PAGE1: variants seen among roughly 807,000 people sequenced by gnomAD.
The protein encoded by PAGE1 is P antigen family member 1.
PAGE1 carries 6 observed loss-of-function variants against 11.5 expected under a neutral mutation model. The ratio of observed to expected loss-of-function variants is 0.52; its 90% CI spans 0.29 to 1.03. The LOEUF (loss-of-function observed/expected upper bound fraction) is 1.03, where lower values mean the gene tolerates loss of function less well. Ranked by LOEUF, PAGE1 falls within the 50% of genes least tolerant of loss-of-function variation. PAGE1 has a pLI of 0.09. For synonymous variants in PAGE1, 42 were observed against 40.2 expected, an observed-to-expected ratio of 1.05 and a Z score of -0.17; for missense variants, 120 against 110.2, an observed-to-expected ratio of 1.09 and a Z score of -0.40.
chrX:49,689,152 G>A (rs1410083530), intron 5 of PAGE1, among the ~76,000 whole-genome samples: 2 of 109,612 alleles, frequency 1.8e-5, no homozygotes, highest in African/African-American at 6.6e-5. Flanking sequence ...ACCAGCTTAT[G>A]CAAAATGGCA....
At position 49,689,494 on chromosome X, in the gene PAGE1, C is replaced by T. The variant is rs148881853; in HGVS notation, c.342G>A (p.Gly114=). ...CATCAGGACCATCTCCGCGCTCACA[C>T]CCAGTCTTCGGGTGAACCTGTTCCT... ...DSQEQVHPKT[G]CERGDGPDVQ... The change falls in exon 5 of 6, where the codon GGG becomes GGA. Residue 114 remains glycine, a synonymous_variant. Coordinates refer to ENST00000376150, the MANE Select transcript of PAGE1 (RefSeq NM_003785.4). The T allele has an allele frequency of 4.0e-6, 4 of 1,008,011 alleles. No homozygotes were observed. The highest frequency in any genetic ancestry group is 5.1e-6 in the Non-Finnish European group (4 of 787,250). The allele number at this position is 1,008,011 out of a possible 1,213,427, so 83.1% of individuals were successfully genotyped here.
intron 3 of PAGE1, among the ~76,000 whole-genome samples, chrX:49,691,610 G>T (rs888932030): frequency 1.8e-5 from 2 of 111,143 alleles, no homozygotes; most frequent in Admixed American, 1.9e-4. Flanking sequence ...CAACTTTGTT[G>T]CCTCCTTTGC....
rs1557141806 is a variant in PAGE1 at position 49,689,818 on chromosome X, ACATATATGTG to A, written c.293-285_293-276del. The stretch of plus-strand genomic sequence containing the variant: ...TATGTATATATATGTGTATATACAC[ACATATATGTG>A]TATATATGTGTGTATATACACACAT... On this transcript the variant is annotated intron_variant, in intron 4 of 5. Coordinates refer to ENST00000376150, the MANE Select transcript of PAGE1 (RefSeq NM_003785.4). Among the ~76,000 whole-genome samples the A allele has an allele frequency of 1.3e-4, 8 of 61,662 alleles. 1 individual carries two copies. The highest frequency in any genetic ancestry group is 1.6e-4 in the Non-Finnish European group (6 of 37,478). The allele number at this position is 61,662 out of a possible 115,157, so 53.5% of individuals were successfully genotyped here.
chrX:49,689,326 G>A, intron 5 of PAGE1, 92 bp downstream of exon 5: 5 of 850,180 alleles, frequency 5.9e-6, no homozygotes, highest in Non-Finnish European at 7.5e-6. Flanking sequence ...GGTTGACAGA[G>A]CGAGACTCTG....
At chrX:49,689,731 TAC>T (rs1208260889) in intron 4 of PAGE1, among the ~76,000 whole-genome samples, 188 bp from the exon 5 acceptor site, 16 of 62,644 alleles carry the variant, frequency 2.6e-4, no homozygotes, top group African/African-American at 1.0e-3. Context: ...TATGTATATA[TAC>T]ACACATATAT....
At chrX:49,690,059 GTATATACACACA>G (rs1201047676) in intron 4 of PAGE1, among the ~76,000 whole-genome samples, 8 of 63,927 alleles carry the variant, frequency 1.3e-4, no homozygotes, top group African/African-American at 3.2e-4. Context: ...GTATATATGT[GTATATACACACA>G]TATATATGTG....
rs1299367955 is a variant in PAGE1, at chrX:49,694,727, A to C, written c.44T>G (p.Ile15Ser). ...RRLIYRRRPM[I>S]YVESSEESSD... is the part of the protein sequence containing the mutation. ...AATTACCTCAGAAGATTCTACATAG[A>C]TCATTGGTCTACGCCGATAGATTAA... The change falls in exon 2 of 6, where the codon ATC (isoleucine) becomes AGC (serine). Residue 15 changes from isoleucine (I) to serine (S), a missense_variant. Coordinates refer to ENST00000376150, the MANE Select transcript of PAGE1 (RefSeq NM_003785.4). The C allele has an allele frequency of 2.5e-6, 3 of 1,196,730 alleles. No individual in the cohort carries two copies. The Admixed American group carries it at 6.6e-5, about 26-fold the overall frequency.
chrX:49,691,267 T>C lies in PAGE1; in HGVS notation c.274A>G (p.Met92Val). 1 of 1,210,985 alleles carries C rather than the reference T, an allele frequency of 8.3e-7. No individual in the cohort carries two copies. Reference sequence around the variant, plus strand: ...TACCTACCTTCTGCGGGCAGTTTCATCTGCTCTTCATTTCGCAGGCACACC... The same window carrying C: ...TACCTACCTTCTGCGGGCAGTTTCACCTGCTCTTCATTTCGCAGGCACACC... ...KRVCLRNEEQ[M>V]KLPAEGPEPE... The change falls in exon 4 of 6, where the codon ATG (methionine) becomes GTG (valine). Residue 92 changes from methionine (M) to valine (V), a missense_variant. Physicochemically the swap from Met to Val is conservative, Grantham distance 21 (BLOSUM62 1). Transcript: ENST00000376150.
At chrX:49,689,355 T>A in intron 5 of PAGE1, 63 bp downstream of exon 5, 1 of 944,194 alleles carries the variant, frequency 1.1e-6, no homozygotes, top group Non-Finnish European at 1.4e-6. Flanking sequence ...AAATAATAAT[T>A]ATTATAATAT....
chrX:49,694,064 A>ACC lies in PAGE1; in HGVS notation c.166+33_166+34dup, dbSNP rs781877982. 4.1e-4 allele frequency: 324 copies of ACC among 788,606 alleles called. 2 individuals carry two copies. The highest frequency in any genetic ancestry group is 2.7e-3 in the South Asian group (118 of 43,796). 65.0% of individuals were successfully genotyped at this position (788,606 alleles called of 1,213,427 possible). ...CACACACACACACACACACACACAC[A>ACC]CCCCAACAGGCATTCTTCTTCCCTT... On this transcript the variant is annotated intron_variant, in intron 3 of 5. Transcript: ENST00000376150.
At chrX:49,689,794 A>ATG (rs782193806) in intron 4 of PAGE1, among the ~76,000 whole-genome samples, 3 of 59,912 alleles carry the variant, frequency 5.0e-5, no homozygotes, top group African/African-American at 2.4e-4. Flanking sequence ...ACACATATAT[A>ATG]TGTATATATA....
chrX:49,689,682 G>GTATATA (rs2066902490), intron 4 of PAGE1, 139 bp from the exon 5 acceptor site: 4 of 75,015 alleles, frequency 5.3e-5, no homozygotes, highest in African/African-American at 2.7e-4. Flanking sequence ...ACATATATGT[G>GTATATA]TGTATATATA....
intron 4 of PAGE1, among the ~76,000 whole-genome samples, chrX:49,690,176 A>C (rs1405704208): frequency 1.0e-5 from 1 of 95,526 alleles, no homozygotes; most frequent in Non-Finnish European, 2.1e-5. Flanking sequence ...GCAGTAAAAC[A>C]TGAAATATGA....
chrX:49,689,757 T>C (rs1557141750), intron 4 of PAGE1, among the ~76,000 whole-genome samples: 5 of 65,346 alleles, frequency 7.7e-5, no homozygotes, highest in African/African-American at 2.5e-4. Flanking sequence ...TATGTGTATA[T>C]ATACATATAT....
At chrX:49,695,185 A>G (rs1236278727) in intron 1 of PAGE1, among the ~76,000 whole-genome samples, 2 of 112,026 alleles carry the variant, frequency 1.8e-5, no homozygotes, top group African/African-American at 6.5e-5. Context: ...GACGTTTCTG[A>G]TGAGGTTTAG....
chrX:49,693,041 T>C lies in PAGE1; in HGVS notation c.166+1058A>G, dbSNP rs556419734. Reference sequence around the variant, plus strand: ...GCTGAGAAATCTGAAGTCTACATCATGGATAGGATTTCAGTTACAATTACA... The same window carrying C: ...GCTGAGAAATCTGAAGTCTACATCACGGATAGGATTTCAGTTACAATTACA... On this transcript the variant is annotated intron_variant, in intron 3 of 5. Coordinates refer to ENST00000376150, the MANE Select transcript of PAGE1 (RefSeq NM_003785.4). Among the ~76,000 whole-genome samples, 67 of 111,742 alleles carry C rather than the reference T, an allele frequency of 6.0e-4. 1 individual carries two copies. In the South Asian group the frequency reaches 0.024, roughly 40 times the overall value.
At chrX:49,694,045 C>CACAA (rs1557142522) in intron 3 of PAGE1, 54 bp downstream of exon 3, 19 of 656,666 alleles carry the variant, frequency 2.9e-5, no homozygotes, top group Non-Finnish European at 4.1e-5. Context: ...CACACACACA[C>CACAA]ACACACACAC....
At chrX:49,687,653 G>T (rs1485512037) in intron 5 of PAGE1, 90 bp from the exon 6 acceptor site, 3 of 878,457 alleles carry the variant, frequency 3.4e-6, no homozygotes, top group Non-Finnish European at 4.8e-6. Context: ...TACAATTTGG[G>T]TTTTATAAAA....
chrX:49,693,083 G>A (rs1418829821), intron 3 of PAGE1, among the ~76,000 whole-genome samples: 1 of 111,871 alleles, frequency 8.9e-6, no homozygotes, highest in African/African-American at 3.3e-5. Flanking sequence ...GTTTCTGAAG[G>A]ATTGAGCAGC....
Sources: gnomAD v4.1 joint callset for allele counts (sites outside exome capture counted in the v4.1 genomes callset) on GRCh38, gnomAD v4.1.1 for gene constraint, MANE v1.5 for transcripts, NCBI Gene and HGNC (gene_info 2026-07-23, HGNC 2026-07-21) for gene names.